The following NXPH2 variants were observed in gnomAD, a reference collection of about 807,000 sequenced individuals.
NXPH2 encodes neurexophilin 2, also known as neurexophilin-2.
NXPH2 carries 5 observed loss-of-function variants against 19.8 expected under a neutral mutation model. The ratio of observed to expected loss-of-function variants is 0.25; its 90% confidence interval spans 0.13 to 0.53. The LOEUF is 0.53. Ranked by LOEUF, NXPH2 falls within the 20% of genes least tolerant of loss-of-function variation. The pLI is 0.96. For missense variants in NXPH2, 289 were observed against 322.8 expected (o/e 0.90, Z 0.80); for synonymous variants, 154 against 127.4 (o/e 1.21, Z -1.41).
intron 1 of NXPH2, among the ~76,000 whole-genome samples, chr2:138,694,477 T>C (rs1384441327): frequency 6.6e-6 from 1 of 151,950 alleles, no homozygotes; most frequent in Non-Finnish European, 1.5e-5. Context: ...TCTCTGAAGA[T>C]GGAGTCAGAG....
intron 1 of NXPH2, among the ~76,000 whole-genome samples, chr2:138,733,406 C>A (rs568055076): frequency 6.6e-6 from 1 of 152,072 alleles, no homozygotes; most frequent in Non-Finnish European, 1.5e-5. Flanking sequence ...TCTGTGTAAA[C>A]CTAGAGGAAA....
intron 1 of NXPH2, among the ~76,000 whole-genome samples, chr2:138,707,107 A>AAAAAAAAACAAAAAAAAAAC (rs1558918445): frequency 4.8e-5 from 7 of 146,530 alleles, no homozygotes; most frequent in Admixed American, 1.4e-4. Context: ...AAAAAAAAAA[A>AAAAAAAAACAAAAAAAAAAC]AAAAAGAGCA....
chr2:138,679,926 A>C (rs1680547125), intron 1 of NXPH2, among the ~76,000 whole-genome samples: 1 of 152,130 alleles, frequency 6.6e-6, no homozygotes, highest in African/African-American at 2.4e-5. Context: ...TTGGACTGAG[A>C]AGAAAAAGTG....
intron 1 of NXPH2, among the ~76,000 whole-genome samples, chr2:138,762,222 A>G (rs914125058): frequency 2.6e-5 from 4 of 152,204 alleles, no homozygotes; most frequent in Non-Finnish European, 5.9e-5. Context: ...ACTTGAGGTC[A>G]TAGGCATCCA....
intron 1 of NXPH2, among the ~76,000 whole-genome samples, chr2:138,747,720 G>T (rs1177653110): frequency 6.6e-6 from 1 of 152,154 alleles, no homozygotes; most frequent in Non-Finnish European, 1.5e-5. Flanking sequence ...CTGTTACATA[G>T]GCCTGAGAAG....
chr2:138,720,153 A>G (rs1681254741), intron 1 of NXPH2, among the ~76,000 whole-genome samples: 1 of 152,206 alleles, frequency 6.6e-6, no homozygotes, highest in Non-Finnish European at 1.5e-5. Context: ...ACTTGAAAAA[A>G]AAACAGAGGC....
chr2:138,752,433 TCATA>T lies in NXPH2; in HGVS notation c.51+27754_51+27757del, dbSNP rs916451514. Among the ~76,000 whole-genome samples the T allele has an allele frequency of 7.2e-4, 109 of 152,296 alleles. 1 individual carries two copies. The highest frequency in any genetic ancestry group is 2.5e-3 in the African/African-American group (104 of 41,578). On this transcript the variant is annotated intron_variant, in intron 1 of 1. Coordinates refer to ENST00000272641, the MANE Select transcript of NXPH2 (RefSeq NM_007226.3). ...ATCTACATCTGAGACATGTACAACC[TCATA>T]CATCATACACTGTCTTACACATTTT... is the stretch of plus-strand genomic sequence containing the variant.
chr2:138,755,039 C>T (rs1159548726), intron 1 of NXPH2, among the ~76,000 whole-genome samples: 1 of 151,988 alleles, frequency 6.6e-6, no homozygotes, highest in Non-Finnish European at 1.5e-5. Flanking sequence ...GATCTTTTGG[C>T]CATCTTTAAA....
chr2:138,681,885 T>C (rs1190372189), intron 1 of NXPH2, among the ~76,000 whole-genome samples: 2 of 152,326 alleles, frequency 1.3e-5, no homozygotes, highest in East Asian at 1.9e-4. Context: ...ATGGGATCTA[T>C]ATTGGTGGTC....
chr2:138,697,274 C>T (rs1680842153), intron 1 of NXPH2, among the ~76,000 whole-genome samples: 1 of 152,018 alleles, frequency 6.6e-6, no homozygotes, highest in African/African-American at 2.4e-5. Context: ...ATACCTTTGT[C>T]AAAACTTTTG....
chr2:138,703,393 G>T (rs376635352), intron 1 of NXPH2, among the ~76,000 whole-genome samples: 3 of 152,284 alleles, frequency 2.0e-5, no homozygotes, highest in East Asian at 1.9e-4. Flanking sequence ...ACAGATGTTT[G>T]AAGGGATAAA....
chr2:138,765,103 A>G (rs1682071164), intron 1 of NXPH2, among the ~76,000 whole-genome samples: 1 of 152,220 alleles, frequency 6.6e-6, no homozygotes, highest in South Asian at 2.1e-4. Flanking sequence ...CAAGCAAATG[A>G]AAAATGCAGC....
chr2:138,759,790 C>T (rs1415767074), intron 1 of NXPH2, among the ~76,000 whole-genome samples: 15 of 144,650 alleles, frequency 1.0e-4, no homozygotes, highest in Admixed American at 5.8e-4. Flanking sequence ...AGTGCAGTAG[C>T]GCAATCTCGG....
intron 1 of NXPH2, among the ~76,000 whole-genome samples, chr2:138,703,540 A>T (rs1319351580): frequency 6.6e-6 from 1 of 152,196 alleles, no homozygotes; most frequent in East Asian, 1.9e-4. Flanking sequence ...CCCAGTAGGC[A>T]TTGGAGAGGT....
At chr2:138,766,624 C>T (rs765012745) in intron 1 of NXPH2, among the ~76,000 whole-genome samples, 31 of 152,140 alleles carry the variant, frequency 2.0e-4, no homozygotes, top group Non-Finnish European at 7.3e-5. Flanking sequence ...CTCTGCTTTC[C>T]CACTTCCAGA....
At chr2:138,730,335 C>T (rs1042995260) in intron 1 of NXPH2, among the ~76,000 whole-genome samples, 9 of 152,060 alleles carry the variant, frequency 5.9e-5, no homozygotes, top group African/African-American at 1.9e-4. Context: ...ATTGGGATTA[C>T]AGGTGTAAGC....
intron 1 of NXPH2, among the ~76,000 whole-genome samples, chr2:138,715,902 T>C (rs1681189764): frequency 6.6e-6 from 1 of 152,144 alleles, no homozygotes; most frequent in Non-Finnish European, 1.5e-5. Context: ...ATGCCAGCTA[T>C]ATAGTAGCCT....
intron 1 of NXPH2, among the ~76,000 whole-genome samples, chr2:138,778,890 T>C (rs1047348091): frequency 6.6e-6 from 1 of 152,236 alleles, no homozygotes; most frequent in Admixed American, 6.5e-5. Context: ...TTCTTCTTGA[T>C]GCCATTGAAG....
intron 1 of NXPH2, among the ~76,000 whole-genome samples, chr2:138,776,024 G>T (rs547330922): frequency 6.6e-6 from 1 of 152,116 alleles, no homozygotes; most frequent in East Asian, 1.9e-4. Flanking sequence ...ATATGTAAAC[G>T]GTAAGAGACA....
Sources: gnomAD v4.1 joint callset for allele counts (sites outside exome capture counted in the v4.1 genomes callset) on GRCh38, gnomAD v4.1.1 for gene constraint, MANE v1.5 for transcripts, NCBI Gene and HGNC (gene_info 2026-07-23, HGNC 2026-07-21) for gene names.